Variants in VPS13C observed in about 807,000 individuals in gnomAD.
The protein encoded by VPS13C is intermembrane lipid transfer protein VPS13C.
VPS13C carries 358 observed loss-of-function variants against 456.8 expected under a neutral mutation model. The ratio of observed to expected loss-of-function variants is 0.78; its 90% CI spans 0.72 to 0.86. The LOEUF (loss-of-function observed/expected upper bound fraction) is 0.86. VPS13C is among the 40% of genes least tolerant of loss of function. The probability of loss-of-function intolerance (pLI) is 0.00; values close to 1 mark genes in which losing one functional copy is unlikely to be tolerated. For missense variants in VPS13C, 4,818 were observed against 4,385.4 expected, an observed-to-expected ratio of 1.10 and a Z score of -2.79; for synonymous variants, 1,578 against 1,486.7, an observed-to-expected ratio of 1.06 and a Z score of -1.41.
chr15:61,925,413 G>A (rs1479526735), intron 53 of VPS13C, 43 bp downstream of exon 53: 6 of 1,263,740 alleles, frequency 4.7e-6, no homozygotes, highest in African/African-American at 1.5e-5. Context: ...ATGTCGTGAA[G>A]AAAAATAAGA....
Position 61,856,396 on chromosome 15 carries a change from T to A in VPS13C, c.10966A>T (p.Ile3656Leu). 2 of 1,612,282 alleles carry A rather than the reference T, an allele frequency of 1.2e-6. No individual in the cohort carries two copies. The highest frequency in any genetic ancestry group is 1.3e-5 in the African/African-American group (1 of 74,940). ...AGGCCCAGGATTTCAACTTCCTTTA[T>A]ACACAACACTCGCCTATTTTGCAAA... ...LMVTNRRVLCIKEVEILGLMC... is the reference protein window; with the variant it reads ...LMVTNRRVLCLKEVEILGLMC... The change falls in exon 83 of 85, where the codon ATA becomes TTA. Residue 3656 changes from isoleucine (I) to leucine (L), a missense_variant. This residue lies in a region of VPS13C where 261 missense variants were observed against 234.1 expected (regional missense o/e 1.11). Transcript: ENST00000644861.
chr15:61,906,803 T>G (rs1366016363), intron 66 of VPS13C: 1 of 173,202 alleles, frequency 5.8e-6, no homozygotes, highest in Non-Finnish European at 1.2e-5. Context: ...CTCAGCTACC[T>G]AAATATTGTT....
At position 62,041,002 on chromosome 15, in the gene VPS13C, C is replaced by T. The variant is rs138808755; in HGVS notation, c.187+322G>A. 1.2e-3 allele frequency among the ~76,000 whole-genome samples: 189 copies of T among 152,194 alleles called. 4 individuals are homozygous for T. In the East Asian group the frequency reaches 0.022, roughly 18 times the overall value. On this transcript the variant is annotated intron_variant, in intron 3 of 84. Coordinates refer to ENST00000644861, the MANE Select transcript of VPS13C (RefSeq NM_020821.3). ...CTACTGGAGTTTGCAAATTATACTA[C>T]TTTCACATTTAAAGAAAAAGCACAT...
At chr15:61,955,730 T>C (rs2044970231) in intron 37 of VPS13C, among the ~76,000 whole-genome samples, 1 of 152,274 alleles carries the variant, frequency 6.6e-6, no homozygotes, top group Admixed American at 6.5e-5. Flanking sequence ...TAAATTTAAG[T>C]TGATTGAAAT....
At chr15:61,888,883 T>A (rs950067569) in intron 67 of VPS13C, among the ~76,000 whole-genome samples, 3 of 152,156 alleles carry the variant, frequency 2.0e-5, no homozygotes, top group Non-Finnish European at 4.4e-5. Context: ...TAGACAATAA[T>A]GTAGTATCAA....
chr15:62,019,997 G>A (rs935272489), intron 9 of VPS13C, among the ~76,000 whole-genome samples: 2 of 150,146 alleles, frequency 1.3e-5, no homozygotes, highest in African/African-American at 4.9e-5. Context: ...TATATATACA[G>A]ACACACACTG....
At chr15:62,002,136 C>T (rs550826730) in intron 15 of VPS13C, among the ~76,000 whole-genome samples, 1 of 152,210 alleles carries the variant, frequency 6.6e-6, no homozygotes, top group South Asian at 2.1e-4. Flanking sequence ...GTCCCACCAA[C>T]AGTGTAAAGG....
rs1178107103 is a variant in VPS13C at position 61,977,129 on chromosome 15, A to G, written c.2361T>C (p.His787=). ...TMHILQPMDI[H]VELAKAMVEK... Reference sequence around the variant, plus strand: ...CTACCATGGCCTTAGCCAACTCAACATGAATATCCATGGGTTGCAATATAT... The same window carrying G: ...CTACCATGGCCTTAGCCAACTCAACGTGAATATCCATGGGTTGCAATATAT... The change falls in exon 24 of 85, where the codon CAT becomes CAC. Residue 787 remains histidine, a synonymous_variant. Transcript: ENST00000644861. 1 of 1,600,608 alleles carries G rather than the reference A, an allele frequency of 6.2e-7. No individual in the cohort carries two copies. Among genetic ancestry groups the G allele is most frequent in the South Asian group, 1.1e-5 (1 of 88,700 alleles).
At chr15:62,008,816 C>A in intron 13 of VPS13C, 55 bp from the exon 14 acceptor site, 1 of 1,100,668 alleles carries the variant, frequency 9.1e-7, no homozygotes, top group Non-Finnish European at 1.2e-6. Flanking sequence ...AAAAAAAAGA[C>A]TAAATTTAAT....
chr15:61,922,102 G>A (rs2043677612), intron 54 of VPS13C, 69 bp from the exon 55 acceptor site: 1 of 1,489,454 alleles, frequency 6.7e-7, no homozygotes, highest in Admixed American at 1.8e-5. Flanking sequence ...TAACCAATAG[G>A]GAAATTATTA....
chr15:61,897,446 G>T (rs952959386), intron 66 of VPS13C, among the ~76,000 whole-genome samples: 1 of 152,160 alleles, frequency 6.6e-6, no homozygotes, highest in Non-Finnish European at 1.5e-5. Flanking sequence ...CGAGAACTAC[G>T]TGAAGAATGC....
At chr15:61,933,994 G>A (rs1002823588) in intron 49 of VPS13C, among the ~76,000 whole-genome samples, 4 of 151,974 alleles carry the variant, frequency 2.6e-5, no homozygotes, top group African/African-American at 7.2e-5. Context: ...ATATTACTTG[G>A]AAAGAAATAA....
In VPS13C at chr15:61,977,123, C is replaced by G. The variant is rs368244248; in HGVS notation, c.2367G>C (p.Glu789Asp). ...CTTTTTCTACCATGGCCTTAGCCAA[C>G]TCAACATGAATATCCATGGGTTGCA... Reference protein sequence around the residue: ...HILQPMDIHVELAKAMVEKDI... With the variant: ...HILQPMDIHVDLAKAMVEKDI... Residue 789 changes from glutamate (E) to aspartate (D), a missense_variant, in exon 24 of 85, where the codon GAG becomes GAC. Glu to Asp is a conservative substitution (Grantham distance 45). Transcript: ENST00000644861. The G allele has an allele frequency of 3.1e-6, 5 of 1,600,814 alleles. No homozygotes were observed. Among genetic ancestry groups the G allele is most frequent in the Non-Finnish European group, 4.3e-6 (5 of 1,174,240 alleles).
intron 81 of VPS13C, chr15:61,866,111 TA>T: frequency 1.0e-6 from 1 of 984,988 alleles, no homozygotes; most frequent in Non-Finnish European, 1.2e-6. Flanking sequence ...TAAATATTTT[TA>T]CCCAACTAAC....
At chr15:62,019,737 T>C (rs1015912772) in intron 9 of VPS13C, among the ~76,000 whole-genome samples, 9 of 152,008 alleles carry the variant, frequency 5.9e-5, no homozygotes, top group Non-Finnish European at 1.2e-4. Flanking sequence ...ATAGGTGAGG[T>C]GTGGTGCTGA....
At chr15:61,984,586 A>T (rs1231773141) in intron 19 of VPS13C, among the ~76,000 whole-genome samples, 3 of 152,174 alleles carry the variant, frequency 2.0e-5, no homozygotes, top group East Asian at 3.8e-4. Flanking sequence ...AACTTACTGT[A>T]CTTGTCCACA....
intron 9 of VPS13C, 63 bp from the exon 10 acceptor site, chr15:62,014,055 C>T (rs889750722): frequency 1.6e-6 from 2 of 1,213,160 alleles, no homozygotes; most frequent in South Asian, 1.4e-5. Context: ...CGCTCTAATA[C>T]TTACATAATG....
chr15:61,954,334 A>G (rs931953992), intron 38 of VPS13C, 87 bp downstream of exon 38: 1 of 1,431,408 alleles, frequency 7.0e-7, no homozygotes, highest in South Asian at 1.3e-5. Flanking sequence ...TTTCATCAGT[A>G]TCAATTATCT....
intron 80 of VPS13C, among the ~76,000 whole-genome samples, chr15:61,869,113 T>C (rs1459496300): frequency 9.1e-6 from 1 of 109,400 alleles, no homozygotes; most frequent in African/African-American, 2.9e-5. Flanking sequence ...TCTTTTCTTT[T>C]TTCTTTTTTT....
Sources: gnomAD v4.1 joint callset for allele counts (sites outside exome capture counted in the v4.1 genomes callset) on GRCh38, gnomAD v4.1.1 for gene constraint, gnomAD v4.1.1 regional missense constraint, MANE v1.5 for transcripts, NCBI Gene and HGNC (gene_info 2026-07-23, HGNC 2026-07-21) for gene names.